The following EIF4G3 variants were observed in gnomAD, a reference collection of about 807,000 sequenced individuals.
EIF4G3 encodes the protein eIF-4-gamma 3.
In EIF4G3, 34 loss-of-function variants were observed where a neutral mutation model predicts 186.4. The observed-to-expected ratio is 0.18, with a 90% CI of 0.14 to 0.24. EIF4G3 has a LOEUF of 0.24. Among genes scored for constraint, EIF4G3 ranks in the 10% least tolerant of loss-of-function variants. EIF4G3 has a pLI of 1.00. For missense variants in EIF4G3, 1,536 were observed against 1,948.5 expected, an observed-to-expected ratio of 0.79 and a Z score of 3.99; for synonymous variants, 673 against 679.5, an observed-to-expected ratio of 0.99 and a Z score of 0.15.
intron 2 of EIF4G3, among the ~76,000 whole-genome samples, chr1:21,131,451 G>GAAA (rs767743509): frequency 1.2e-5 from 1 of 85,236 alleles, no homozygotes; most frequent in African/African-American, 3.9e-5. Context: ...GAATTTTCCA[G>GAAA]AAAAAAAAAA....
chr1:20,816,050 A>G (rs1243648756), intron 34 of EIF4G3, among the ~76,000 whole-genome samples: 71 of 32,676 alleles, frequency 2.2e-3, no homozygotes, highest in East Asian at 2.7e-3. Flanking sequence ...GGGAGGGAGG[A>G]GGGGGGTCAG....
intron 3 of EIF4G3, among the ~76,000 whole-genome samples, chr1:21,068,391 A>AAAAAAAAAAAC (rs1319008942): frequency 1.3e-4 from 19 of 149,198 alleles, no homozygotes; most frequent in Non-Finnish European, 2.2e-4. Context: ...AAAAAAAAAA[A>AAAAAAAAAAAC]AAAAAAAAAC....
At chr1:20,943,972 TTTTGTG>T (rs1439762880) in intron 13 of EIF4G3, among the ~76,000 whole-genome samples, 647 of 44,802 alleles carry the variant, frequency 0.014, 35 homozygotes, top group African/African-American at 0.033. Context: ...TCTTTATTTT[TTTTGTG>T]TGTGTGTGTG....
chr1:21,062,421 A>G (rs967765322), intron 3 of EIF4G3, among the ~76,000 whole-genome samples: 4 of 152,156 alleles, frequency 2.6e-5, no homozygotes, highest in African/African-American at 9.7e-5. Context: ...GTAATATCCT[A>G]AACTAAAATT....
At chr1:20,847,877 G>C (rs1200281042) in intron 29 of EIF4G3, 9 of 470,162 alleles carry the variant, frequency 1.9e-5, no homozygotes, top group Admixed American at 1.9e-4. Context: ...AGGCTTGAAG[G>C]CTTTAGAAGA....
intron 2 of EIF4G3, chr1:21,174,654 T>C (rs1159982589): frequency 2.6e-5 from 4 of 152,220 alleles, no homozygotes; most frequent in Non-Finnish European, 5.9e-5. Context: ...ACTCTGCCTT[T>C]AAGTAGGCAA....
At chr1:20,981,556 A>G (rs1000889955) in intron 8 of EIF4G3, among the ~76,000 whole-genome samples, 1 of 52,704 alleles carries the variant, frequency 1.9e-5, no homozygotes, top group African/African-American at 9.7e-5. Flanking sequence ...GTATGTATAC[A>G]TACATACATG....
intron 20 of EIF4G3, among the ~76,000 whole-genome samples, chr1:20,874,240 G>A (rs2080105678): frequency 6.6e-6 from 1 of 152,178 alleles, no homozygotes; most frequent in Non-Finnish European, 1.5e-5. Context: ...GGTACTTCTG[G>A]TTCTAGATCC....
intron 26 of EIF4G3, 58 bp downstream of exon 26, chr1:20,854,920 C>T (rs2074444211): frequency 7.0e-7 from 1 of 1,435,860 alleles, no homozygotes. Flanking sequence ...TGGGAATGCG[C>T]TGTAAGGCAA....
intron 3 of EIF4G3, among the ~76,000 whole-genome samples, chr1:21,068,388 A>AAAAAAAAAAAAAAC (rs2095332577): frequency 7.1e-6 from 1 of 141,116 alleles, no homozygotes; most frequent in Non-Finnish European, 1.5e-5. Flanking sequence ...AAAAAAAAAA[A>AAAAAAAAAAAAAAC]AAAAAAAAAA....
chr1:20,874,741 C>T (rs2080260629), intron 20 of EIF4G3, among the ~76,000 whole-genome samples: 2 of 152,040 alleles, frequency 1.3e-5, no homozygotes, highest in South Asian at 4.1e-4. Context: ...TACCTTTATC[C>T]TTCATGTTTT....
intron 21 of EIF4G3, 77 bp from the exon 22 acceptor site, chr1:20,864,789 C>CTG: frequency 8.2e-7 from 1 of 1,213,254 alleles, no homozygotes; most frequent in Non-Finnish European, 1.2e-6. Context: ...TTCATGGGGT[C>CTG]AGAATCCCCG....
chr1:20,972,917 G>T, intron 11 of EIF4G3, 85 bp downstream of exon 11: 15 of 1,037,806 alleles, frequency 1.4e-5, no homozygotes, highest in East Asian at 2.8e-5. Flanking sequence ...TTTGTGAATT[G>T]AGATGAATAA....
intron 18 of EIF4G3, chr1:20,893,058 C>G: frequency 4.2e-6 from 1 of 237,506 alleles, no homozygotes; most frequent in African/African-American, 2.3e-5. Context: ...GGACTATAAG[C>G]ATGCGCCAGC....
At chr1:20,940,984 G>C (rs1339745773) in intron 14 of EIF4G3, among the ~76,000 whole-genome samples, 1 of 152,204 alleles carries the variant, frequency 6.6e-6, no homozygotes, top group African/African-American at 2.4e-5. Context: ...ATCAACAACA[G>C]CATTATATTT....
chr1:21,132,782 A>T (rs910344727), intron 2 of EIF4G3, among the ~76,000 whole-genome samples: 4 of 151,684 alleles, frequency 2.6e-5, no homozygotes, highest in African/African-American at 4.8e-5. Flanking sequence ...TTTTAAAAAA[A>T]TTTTTATTTT....
chr1:20,828,510 T>C (rs2064242724), intron 31 of EIF4G3, among the ~76,000 whole-genome samples: 1 of 152,182 alleles, frequency 6.6e-6, no homozygotes, highest in African/African-American at 2.4e-5. Flanking sequence ...TTTTATTTAT[T>C]GCTTTACTAT....
rs757282781 is a variant in EIF4G3 at position 20,899,709 on chromosome 1, G to A, written c.1987C>T (p.Pro663Ser). ...TDSSGDGVTFPFKPESWKPTD... is the reference protein window; with the variant it reads ...TDSSGDGVTFSFKPESWKPTD... ...GGTATAAACTTACCTGGTTTAAATGGAAATGTAACCCCATCACCAGAACTA... is the reference window on the plus strand; with the variant it reads ...GGTATAAACTTACCTGGTTTAAATGAAAATGTAACCCCATCACCAGAACTA... The change falls in exon 16 of 37, where the codon CCA becomes TCA. Residue 663 changes from proline to serine, a missense_variant. By Grantham distance (74) the Pro-to-Ser change is moderately conservative. Transcript: ENST00000602326. 1 of 1,614,084 alleles carries A rather than the reference G, an allele frequency of 6.2e-7. No individual in the cohort carries two copies. The highest frequency in any genetic ancestry group is 8.5e-7 in the Non-Finnish European group (1 of 1,179,988).
chr1:21,166,402 C>T (rs2097855997), intron 2 of EIF4G3, among the ~76,000 whole-genome samples: 1 of 152,094 alleles, frequency 6.6e-6, no homozygotes, highest in African/African-American at 2.4e-5. Flanking sequence ...TACACTCCAG[C>T]CTGAAAGACA....
Sources: allele counts gnomAD v4.1 joint callset (sites outside exome capture counted in the v4.1 genomes callset), GRCh38; gene constraint gnomAD v4.1.1; transcripts MANE v1.5; gene names NCBI Gene and HGNC (gene_info 2026-07-23, HGNC 2026-07-21).